DCC: variants seen among roughly 807,000 people sequenced by gnomAD.
DCC encodes the protein DCC netrin 1 receptor, also known as netrin receptor DCC.
A neutral mutation model predicts 172.5 loss-of-function variants in DCC; 58 were observed. That is an observed-to-expected ratio of 0.34 (90% confidence interval 0.27 to 0.42). The LOEUF (loss-of-function observed/expected upper bound fraction) is 0.42. Among genes scored for constraint, DCC ranks in the 10% least tolerant of loss-of-function variants. DCC has a pLI of 1.00. For missense variants in DCC, 1,740 were observed against 1,791.0 expected, an observed-to-expected ratio of 0.97 and a Z score of 0.51; for synonymous variants, 709 against 644.5, an observed-to-expected ratio of 1.10 and a Z score of -1.52.
chr18:53,468,363 T>TTTATTTATTTATTTATTTATTTATTTTA (rs1555675962), intron 25 of DCC, among the ~76,000 whole-genome samples: 1 of 54,722 alleles, frequency 1.8e-5, no homozygotes, highest in African/African-American at 4.3e-5. Context: ...TATTTATTTA[T>TTTATTTATTTATTTATTTATTTATTTTA]TTTATTTATT....
intron 15 of DCC, among the ~76,000 whole-genome samples, chr18:53,361,822 T>C (rs917425922): frequency 8.7e-6 from 1 of 114,592 alleles, no homozygotes; most frequent in Admixed American, 7.9e-5. Flanking sequence ...AGCAAAGAAA[T>C]TATGTATTTT....
At chr18:53,226,170 A>G (rs1392069350) in intron 12 of DCC, among the ~76,000 whole-genome samples, 1 of 152,104 alleles carries the variant, frequency 6.6e-6, no homozygotes, top group East Asian at 1.9e-4. Context: ...AATGTTTCGG[A>G]TAGGGCCCAA....
chr18:53,410,911 T>G (rs1909944432), intron 20 of DCC, among the ~76,000 whole-genome samples: 1 of 152,164 alleles, frequency 6.6e-6, no homozygotes, highest in Non-Finnish European at 1.5e-5. Context: ...GTATATTGGT[T>G]CTATTCAAAA....
chr18:52,670,867 C>T (rs961006164), intron 1 of DCC, among the ~76,000 whole-genome samples: 5 of 151,962 alleles, frequency 3.3e-5, no homozygotes, highest in African/African-American at 1.2e-4. Context: ...ATCCTAAAAG[C>T]TAACAGGCTG....
At chr18:52,705,485 G>A (rs2036192284) in intron 1 of DCC, among the ~76,000 whole-genome samples, 1 of 152,148 alleles carries the variant, frequency 6.6e-6, no homozygotes, top group Non-Finnish European at 1.5e-5. Context: ...AGACACAGCG[G>A]ACCATTTGAT....
At chr18:53,474,927 TG>T (rs2045743630) in intron 25 of DCC, among the ~76,000 whole-genome samples, 1 of 152,228 alleles carries the variant, frequency 6.6e-6, no homozygotes, top group Non-Finnish European at 1.5e-5. Flanking sequence ...GCCAAAATGC[TG>T]ATAATGATAC....
intron 2 of DCC, among the ~76,000 whole-genome samples, chr18:52,753,807 A>G (rs1414021120): frequency 6.6e-6 from 1 of 152,164 alleles, no homozygotes; most frequent in Non-Finnish European, 1.5e-5. Context: ...GGCAGCTCAT[A>G]ATTATTTCTG....
chr18:53,102,599 G>T (rs1380146149), intron 7 of DCC, among the ~76,000 whole-genome samples: 1 of 152,058 alleles, frequency 6.6e-6, no homozygotes, highest in Non-Finnish European at 1.5e-5. Context: ...GCTGATTTTT[G>T]AAGTTAATTA....
chr18:52,674,952 G>T (rs367656907), intron 1 of DCC, among the ~76,000 whole-genome samples: 1 of 152,136 alleles, frequency 6.6e-6, no homozygotes, highest in Admixed American at 6.5e-5. Flanking sequence ...TATTCTCTAC[G>T]AAGCCTACTA....
chr18:52,466,293 TA>T (rs1405338587), intron 1 of DCC, among the ~76,000 whole-genome samples: 1 of 152,132 alleles, frequency 6.6e-6, no homozygotes, highest in East Asian at 1.9e-4. Context: ...GGGTCTAACA[TA>T]AAAATAGTGG....
chr18:52,430,128 TC>T (rs1465689460), intron 1 of DCC, among the ~76,000 whole-genome samples: 1 of 152,058 alleles, frequency 6.6e-6, no homozygotes. Flanking sequence ...CTTTTAGAGC[TC>T]CCAAGAGACA....
chr18:53,392,585 AGT>A (rs756927691), intron 17 of DCC, among the ~76,000 whole-genome samples: 16 of 152,194 alleles, frequency 1.1e-4, no homozygotes, highest in Non-Finnish European at 2.2e-4. Context: ...CATAACAACA[AGT>A]TATATACTAA....
At position 53,528,663 on chromosome 18, in the gene DCC, T is replaced by C. The variant is rs191698053; in HGVS notation, c.4255-1901T>C. Among the ~76,000 whole-genome samples the C allele has an allele frequency of 1.8e-4, 28 of 152,260 alleles. No homozygotes were observed. The East Asian group carries it at 4.2e-3, about 23-fold the overall frequency. ...TGAAAACATAATGTGTAATTTTAAA[T>C]TGACTAGAAGCTACATTAAAAGATG... On this transcript the variant is annotated intron_variant, in intron 28 of 28. Coordinates refer to ENST00000442544, the MANE Select transcript of DCC (RefSeq NM_005215.4).
chr18:52,790,490 G>C (rs544048088), intron 2 of DCC, among the ~76,000 whole-genome samples: 4 of 152,118 alleles, frequency 2.6e-5, no homozygotes, highest in Non-Finnish European at 5.9e-5. Flanking sequence ...GGCATGTCAG[G>C]CTTCTGGGTT....
chr18:53,449,702 C>T (rs898584922), intron 22 of DCC, among the ~76,000 whole-genome samples: 2 of 152,130 alleles, frequency 1.3e-5, no homozygotes, highest in East Asian at 1.9e-4. Flanking sequence ...TTCTCCTCTC[C>T]GTACCTTCCA....
chr18:52,792,199 A>G (rs28838039), intron 2 of DCC, among the ~76,000 whole-genome samples: 6,513 of 151,920 alleles, frequency 0.043, 218 homozygotes, highest in South Asian at 0.16. Context: ...GGGGGGTGCG[A>G]GGGTGGGGGC....
At chr18:52,530,316 G>A (rs1416208135) in intron 1 of DCC, among the ~76,000 whole-genome samples, 8 of 152,294 alleles carry the variant, frequency 5.3e-5, no homozygotes, top group African/African-American at 1.9e-4. Flanking sequence ...CAGCAGTTAA[G>A]TGATTTGTTC....
chr18:52,491,208 T>C (rs61525620), intron 1 of DCC, among the ~76,000 whole-genome samples: 9,402 of 152,132 alleles, frequency 0.062, 353 homozygotes, highest in East Asian at 0.082. Flanking sequence ...ACCTGCAATA[T>C]GTTGTATGTC....
intron 15 of DCC, among the ~76,000 whole-genome samples, chr18:53,355,613 T>A (rs1486916154): frequency 6.6e-6 from 1 of 152,220 alleles, no homozygotes; most frequent in African/African-American, 2.4e-5. Flanking sequence ...TTTTTGCACG[T>A]TGATTTTGTA....
Sources: gnomAD v4.1 joint callset for allele counts (sites outside exome capture counted in the v4.1 genomes callset) on GRCh38, gnomAD v4.1.1 for gene constraint, MANE v1.5 for transcripts, NCBI Gene and HGNC (gene_info 2026-07-23, HGNC 2026-07-21) for gene names.